Variants in LEPR observed in about 807,000 individuals in gnomAD.
LEPR encodes the protein leptin receptor.
In LEPR, 56 loss-of-function variants were observed where a neutral mutation model predicts 114.7. The ratio of observed to expected loss-of-function variants is 0.49; its 90% confidence interval spans 0.39 to 0.61. The LOEUF (loss-of-function observed/expected upper bound fraction) is 0.61, where lower values mean the gene tolerates loss of function less well. LEPR is among the 20% of genes least tolerant of loss of function. LEPR has a pLI of 0.00. For missense variants in LEPR, 1,202 were observed against 1,352.9 expected, an observed-to-expected ratio of 0.89 and a Z score of 1.75; for synonymous variants, 443 against 461.4, an observed-to-expected ratio of 0.96 and a Z score of 0.51.
chr1:65,542,057 G>C (rs1468016594), intron 2 of LEPR, among the ~76,000 whole-genome samples: 1 of 152,132 alleles, frequency 6.6e-6, no homozygotes, highest in Non-Finnish European at 1.5e-5. Context: ...TTATTCAGTA[G>C]AATATAGATT....
chr1:65,635,502 A>G (rs1658686354), intron 19 of LEPR: 6 of 446,742 alleles, frequency 1.3e-5, no homozygotes, highest in Non-Finnish European at 1.8e-5. Context: ...TATAAGGAAT[A>G]GTAATTTACC....
At chr1:65,497,001 T>TAC (rs1553158529) in intron 2 of LEPR, among the ~76,000 whole-genome samples, 41 of 151,770 alleles carry the variant, frequency 2.7e-4, no homozygotes, top group East Asian at 7.7e-4. Context: ...TATATATATA[T>TAC]ACACACACAC....
chr1:65,553,270 A>T (rs1195336944), intron 2 of LEPR, among the ~76,000 whole-genome samples: 1 of 152,200 alleles, frequency 6.6e-6, no homozygotes, highest in African/African-American at 2.4e-5. Flanking sequence ...CTGTCTTACT[A>T]GGTTGGGGAA....
At chr1:65,437,135 T>A (rs1164857985) in intron 2 of LEPR, among the ~76,000 whole-genome samples, 1 of 152,222 alleles carries the variant, frequency 6.6e-6, no homozygotes, top group African/African-American at 2.4e-5. Flanking sequence ...ATGAGTTACG[T>A]GAGTTCTGAA....
chr1:65,599,836 A>T (rs1376553208), intron 8 of LEPR, among the ~76,000 whole-genome samples: 2 of 152,146 alleles, frequency 1.3e-5, no homozygotes, highest in African/African-American at 2.4e-5. Flanking sequence ...TAAAATGTGT[A>T]TCTATATTAT....
chr1:65,604,847 G>C (rs1202294688), intron 10 of LEPR, among the ~76,000 whole-genome samples, 191 bp from the exon 11 acceptor site: 1 of 152,140 alleles, frequency 6.6e-6, no homozygotes, highest in Non-Finnish European at 1.5e-5. Flanking sequence ...ATCTGAAGTG[G>C]AACAGTTTCA....
rs1452048478 is a variant in LEPR at position 65,619,927 on chromosome 1, G to T, written c.2396-1G>T. 2.5e-6 allele frequency: 4 copies of T among 1,611,024 alleles called. No individual in the cohort carries two copies. In the South Asian group the frequency reaches 3.3e-5, roughly 13 times the overall value. ...AGCCTTTTACGTATTTTTCTCCTCA[G>T]ATCATTTTATCCCCATTGAGAAGTA... On this transcript the variant is annotated splice_acceptor_variant, in intron 16 of 19. Transcript: ENST00000349533. LOFTEE classifies it high-confidence loss of function.
At chr1:65,545,846 C>T (rs1651664407) in intron 2 of LEPR, among the ~76,000 whole-genome samples, 1 of 151,746 alleles carries the variant, frequency 6.6e-6, no homozygotes, top group African/African-American at 2.4e-5. Context: ...CTTTTGTTGC[C>T]ATTGCTTTTG....
intron 19 of LEPR, chr1:65,634,866 A>G (rs750285259): frequency 5.7e-6 from 5 of 876,126 alleles, no homozygotes; most frequent in Non-Finnish European, 6.8e-6. Context: ...ATAAAACCAT[A>G]GATTTCTTTC....
chr1:65,510,913 A>T (rs1477522546), intron 2 of LEPR, among the ~76,000 whole-genome samples: 1 of 152,076 alleles, frequency 6.6e-6, no homozygotes, highest in Non-Finnish European at 1.5e-5. Context: ...ACTTTGAAGT[A>T]CTCTGTGAAA....
chr1:65,549,111 T>C (rs1420905157), intron 2 of LEPR, among the ~76,000 whole-genome samples: 3 of 151,732 alleles, frequency 2.0e-5, no homozygotes, highest in Admixed American at 2.0e-4. Context: ...GAAAATTCTT[T>C]TCTTTAAGAA....
intron 2 of LEPR, among the ~76,000 whole-genome samples, chr1:65,454,839 G>C (rs940857885): frequency 6.6e-5 from 10 of 152,318 alleles, no homozygotes; most frequent in African/African-American, 2.2e-4. Flanking sequence ...TGCCTTGCTA[G>C]ATTGGGGAAG....
At chr1:65,624,107 G>A (rs1658051013) in intron 19 of LEPR, among the ~76,000 whole-genome samples, 1 of 151,946 alleles carries the variant, frequency 6.6e-6, no homozygotes, top group African/African-American at 2.4e-5. Context: ...TTCTTTATGT[G>A]CAAAGCACTG....
rs776834695 is a variant in LEPR at position 65,598,822 on chromosome 1, C to T, written c.994+18C>T. The T allele has an allele frequency of 1.3e-5, 21 of 1,612,740 alleles. No individual in the cohort carries two copies. The East Asian group carries it at 4.7e-4, about 36-fold the overall frequency. ...CACACAAGGTAGGTTATGTAATAGC[C>T]ACTTCTACTGGGAGGGAAATATATT... On this transcript the variant is annotated intron_variant, in intron 8 of 19. Coordinates refer to ENST00000349533, the MANE Select transcript of LEPR (RefSeq NM_002303.6).
chr1:65,510,687 C>T (rs1232775644), intron 2 of LEPR, among the ~76,000 whole-genome samples: 1 of 152,162 alleles, frequency 6.6e-6, no homozygotes, highest in East Asian at 1.9e-4. Flanking sequence ...GGATTGAATT[C>T]AGGCTCTGAA....
intron 19 of LEPR, chr1:65,634,288 T>G (rs891784595): frequency 2.0e-6 from 2 of 982,944 alleles, no homozygotes; most frequent in African/African-American, 3.5e-5. Flanking sequence ...AGAAAAGAAC[T>G]CTACAAAAAC....
chr1:65,489,091 A>T (rs953802991), intron 2 of LEPR, among the ~76,000 whole-genome samples: 28 of 152,198 alleles, frequency 1.8e-4, no homozygotes, highest in Non-Finnish European at 3.2e-4. Context: ...GTGAGTGCAG[A>T]TATCTCTTCA....
intron 2 of LEPR, among the ~76,000 whole-genome samples, chr1:65,518,219 T>G (rs1649387438): frequency 6.6e-6 from 1 of 152,202 alleles, no homozygotes; most frequent in South Asian, 2.1e-4. Flanking sequence ...TCCTTTAAAT[T>G]TCAAAGTGGC....
chr1:65,456,418 G>C (rs1646877062), intron 2 of LEPR, among the ~76,000 whole-genome samples: 1 of 152,026 alleles, frequency 6.6e-6, no homozygotes, highest in Admixed American at 6.6e-5. Flanking sequence ...GGAGTATTCA[G>C]GTCTCCAACT....
Sources: allele counts gnomAD v4.1 joint callset (sites outside exome capture counted in the v4.1 genomes callset), GRCh38; gene constraint gnomAD v4.1.1; transcripts MANE v1.5; gene names NCBI Gene and HGNC (gene_info 2026-07-23, HGNC 2026-07-21).